The following LRMDA variants were observed in gnomAD, a reference collection of about 807,000 sequenced individuals.
LRMDA encodes the protein leucine rich melanocyte differentiation associated.
A neutral mutation model predicts 29.8 loss-of-function variants in LRMDA; 18 were observed. That is an observed-to-expected ratio of 0.60 (90% CI 0.42 to 0.90). The LOEUF is 0.90. Among genes scored for constraint, LRMDA ranks in the 40% least tolerant of loss-of-function variants. The pLI is 0.00. For missense variants in LRMDA, 273 were observed against 273.9 expected (o/e 1.00, Z 0.02); for synonymous variants, 125 against 109.4 (o/e 1.14, Z -0.89).
intron 2 of LRMDA, among the ~76,000 whole-genome samples, chr10:75,560,371 G>A (rs1174429481): frequency 6.6e-6 from 1 of 151,242 alleles, no homozygotes; most frequent in African/African-American, 2.4e-5. Context: ...TGTGATTTTT[G>A]CACATTGATT....
At chr10:75,856,210 T>C (rs1351439873) in intron 2 of LRMDA, among the ~76,000 whole-genome samples, 1 of 152,224 alleles carries the variant, frequency 6.6e-6, no homozygotes, top group African/African-American at 2.4e-5. Flanking sequence ...TGGAATGTTC[T>C]TCCATTTGTT....
At chr10:76,373,702 A>G (rs1841482955) in intron 6 of LRMDA, among the ~76,000 whole-genome samples, 1 of 152,144 alleles carries the variant, frequency 6.6e-6, no homozygotes. Flanking sequence ...CATATGGATC[A>G]TAACTTCCCA....
intron 5 of LRMDA, among the ~76,000 whole-genome samples, chr10:76,261,780 A>G (rs1259440233): frequency 1.3e-5 from 2 of 152,258 alleles, no homozygotes; most frequent in African/African-American, 4.8e-5. Context: ...ACAAAGGTAG[A>G]TAACATTTCT....
At chr10:76,020,895 C>T (rs1014181896) in intron 2 of LRMDA, among the ~76,000 whole-genome samples, 1 of 152,244 alleles carries the variant, frequency 6.6e-6, no homozygotes, top group African/African-American at 2.4e-5. Context: ...TTTCACTTTT[C>T]ATCACTCTTC....
At chr10:75,533,003 A>G (rs1845496126) in intron 2 of LRMDA, among the ~76,000 whole-genome samples, 1 of 152,214 alleles carries the variant, frequency 6.6e-6, no homozygotes, top group African/African-American at 2.4e-5. Context: ...ATATTAATAC[A>G]AGACAGAACA....
intron 2 of LRMDA, among the ~76,000 whole-genome samples, chr10:75,543,086 C>G (rs1440116004): frequency 2.6e-5 from 4 of 152,172 alleles, no homozygotes; most frequent in Non-Finnish European, 5.9e-5. Context: ...AGCAGGCTGC[C>G]TAGAGCCAAG....
intron 2 of LRMDA, among the ~76,000 whole-genome samples, chr10:75,716,277 A>AT (rs1293233328): frequency 6.6e-6 from 1 of 152,154 alleles, no homozygotes; most frequent in East Asian, 1.9e-4. Flanking sequence ...CTGAGGAGAG[A>AT]TTTTGAATTG....
intron 2 of LRMDA, among the ~76,000 whole-genome samples, chr10:75,796,538 T>G (rs1843656453): frequency 6.6e-6 from 1 of 152,218 alleles, no homozygotes; most frequent in African/African-American, 2.4e-5. Context: ...TCATCATGTG[T>G]TATCCTTTTT....
chr10:76,145,667 G>GA (rs1334522727), intron 5 of LRMDA, among the ~76,000 whole-genome samples: 18 of 151,762 alleles, frequency 1.2e-4, no homozygotes, highest in Non-Finnish European at 2.4e-4. Flanking sequence ...ATTTTTTGAA[G>GA]GTATTTTTGT....
chr10:76,482,775 G>C (rs1842744339), intron 6 of LRMDA, among the ~76,000 whole-genome samples: 1 of 151,898 alleles, frequency 6.6e-6, no homozygotes, highest in South Asian at 2.1e-4. Context: ...TTTTAAAGTG[G>C]TTGTACCAGC....
At chr10:76,505,913 G>A (rs1842954766) in intron 6 of LRMDA, among the ~76,000 whole-genome samples, 2 of 152,154 alleles carry the variant, frequency 1.3e-5, no homozygotes, top group African/African-American at 2.4e-5. Context: ...TGTAGCATAA[G>A]TTGAGTATAA....
intron 2 of LRMDA, among the ~76,000 whole-genome samples, chr10:75,509,485 T>C (rs1177410665): frequency 1.3e-5 from 2 of 152,128 alleles, no homozygotes; most frequent in Non-Finnish European, 1.5e-5. Context: ...AGACTGTGGC[T>C]CTCTGAGAGT....
chr10:76,200,982 G>A (rs1237735694), intron 5 of LRMDA, among the ~76,000 whole-genome samples: 1 of 151,326 alleles, frequency 6.6e-6, no homozygotes, highest in South Asian at 2.1e-4. Context: ...CTCCCAAAGT[G>A]CTGGGATTAC....
intron 6 of LRMDA, among the ~76,000 whole-genome samples, chr10:76,428,514 T>A (rs1183618018): frequency 6.6e-6 from 1 of 152,144 alleles, no homozygotes; most frequent in Non-Finnish European, 1.5e-5. Flanking sequence ...CCAGTTTTCC[T>A]TCCAGGCCCC....
chr10:76,201,371 G>A (rs1374960952), intron 5 of LRMDA, among the ~76,000 whole-genome samples: 2 of 152,184 alleles, frequency 1.3e-5, no homozygotes, highest in Non-Finnish European at 2.9e-5. Flanking sequence ...GGGATTACAG[G>A]CGTGAGCCCC....
chr10:75,550,737 T>A (rs1840131469), intron 2 of LRMDA, among the ~76,000 whole-genome samples: 1 of 152,134 alleles, frequency 6.6e-6, no homozygotes, highest in Non-Finnish European at 1.5e-5. Flanking sequence ...TCTATTTCCT[T>A]CTTTTCCTGC....
intron 2 of LRMDA, among the ~76,000 whole-genome samples, chr10:75,755,050 T>G (rs111782929): frequency 0.015 from 2,271 of 152,240 alleles, 15 homozygotes; most frequent in Non-Finnish European, 0.022. Context: ...TGGTTTTTTT[T>G]TTTGTTTGTT....
rs1488084347 is a variant in LRMDA at position 76,499,157 on chromosome 10, A to G, written c.602-58052A>G. On this transcript the variant is annotated intron_variant, in intron 6 of 6. Coordinates refer to ENST00000611255, the MANE Select transcript of LRMDA (RefSeq NM_001305581.2). ...ATAACAGTTCAGAAGTTTTTAATATATTTACAGAGTTGTGCAACTGTCACC... is the reference window on the plus strand; with the variant it reads ...ATAACAGTTCAGAAGTTTTTAATATGTTTACAGAGTTGTGCAACTGTCACC... 4.0e-5 allele frequency among the ~76,000 whole-genome samples: 3 copies of G among 75,080 alleles called. 1 individual carries two copies. Among genetic ancestry groups the G allele is most frequent in the African/African-American group, 9.7e-5 (3 of 30,890 alleles). The allele number at this position is 75,080 out of a possible 152,430, so 49.3% of individuals were successfully genotyped here.
intron 2 of LRMDA, among the ~76,000 whole-genome samples, chr10:76,008,359 G>T (rs1372148026): frequency 6.6e-6 from 1 of 152,134 alleles, no homozygotes; most frequent in African/African-American, 2.4e-5. Context: ...GGCTGGAGGG[G>T]CTTTACTGGT....
Sources: allele counts gnomAD v4.1 joint callset (sites outside exome capture counted in the v4.1 genomes callset), GRCh38; gene constraint gnomAD v4.1.1; transcripts MANE v1.5; gene names NCBI Gene and HGNC (gene_info 2026-07-23, HGNC 2026-07-21).